Variants in NPAS1 observed in about 807,000 individuals in gnomAD.
NPAS1 encodes neuronal PAS domain-containing protein 1.
In NPAS1, 29 loss-of-function variants were observed where a neutral mutation model predicts 49.2. The observed-to-expected ratio is 0.59, with a 90% CI of 0.44 to 0.80. The LOEUF is 0.80. Among genes scored for constraint, NPAS1 ranks in the 30% least tolerant of loss-of-function variants. The pLI is 0.00. For synonymous variants in NPAS1, 408 were observed against 380.4 expected (o/e 1.07, Z -0.84); for missense variants, 825 against 835.5 (o/e 0.99, Z 0.15).
Position 47,045,199 on chromosome 19 carries a change from C to T in NPAS1, c.1321C>T (p.Pro441Ser). 1 of 1,613,446 alleles carries T rather than the reference C, an allele frequency of 6.2e-7. No individual in the cohort carries two copies. The highest frequency in any genetic ancestry group is 8.5e-7 in the Non-Finnish European group (1 of 1,179,830). The change falls in exon 12 of 12, where the codon CCT (proline) becomes TCT (serine). Residue 441 changes from proline to serine, a missense_variant. By Grantham distance (74) the Pro-to-Ser change is moderately conservative. Transcript: ENST00000602212. ...GCATCTTCCTCTTCCAGAGCCGGAG[C>T]CTCCGACGGAAGGGAAGCAGGCTGC... ...SPGPEPTEPE[P>S]PTEGKQAAPA...
In NPAS1 at chr19:47,042,917, T is replaced by C; in HGVS notation, c.1312+13T>C. 1.3e-6 allele frequency: 2 copies of C among 1,563,628 alleles called. No individual in the cohort carries two copies. Among genetic ancestry groups the C allele is most frequent in the East Asian group, 2.4e-5 (1 of 41,514 alleles). ...CCAGAGCCCACAGGTGAGCCCCACCTCCCACCTTGGCCCCTGGGAAGCTCC... is the reference window on the plus strand; with the variant it reads ...CCAGAGCCCACAGGTGAGCCCCACCCCCCACCTTGGCCCCTGGGAAGCTCC... On this transcript the variant is annotated intron_variant, in intron 11 of 11. Transcript: ENST00000602212.
At chr19:47,039,993 G>A (rs539280962) in intron 8 of NPAS1, among the ~76,000 whole-genome samples, 6 of 152,180 alleles carry the variant, frequency 3.9e-5, no homozygotes, top group Non-Finnish European at 8.8e-5. Context: ...GCGAATACTC[G>A]CAGCTGCCCC....
At chr19:47,022,148 A>G (rs1038226254) in intron 3 of NPAS1, among the ~76,000 whole-genome samples, 1 of 152,164 alleles carries the variant, frequency 6.6e-6, no homozygotes, top group African/African-American at 2.4e-5. Context: ...CATTATTACA[A>G]CCAAAGAAAC....
Position 47,045,176 on chromosome 19 carries a change from A to G in NPAS1, c.1313-15A>G. The stretch of plus-strand genomic sequence containing the variant: ...CTGGGGACACACACAGGCCCTCAGC[A>G]TCTTCCTCTTCCAGAGCCGGAGCCT... On this transcript the variant is annotated splice_polypyrimidine_tract_variant and intron_variant, in intron 11 of 11. Coordinates refer to ENST00000602212, the MANE Select transcript of NPAS1 (RefSeq NM_002517.4). 6.2e-7 allele frequency: 1 copy of G among 1,611,410 alleles called. No individual in the cohort carries two copies. Among genetic ancestry groups the G allele is most frequent in the South Asian group, 1.1e-5 (1 of 90,844 alleles).
At chr19:47,024,821 T>TG in intron 3 of NPAS1, among the ~76,000 whole-genome samples, 1 of 151,780 alleles carries the variant, frequency 6.6e-6, no homozygotes, top group East Asian at 1.9e-4. Context: ...TTTTTTTTTT[T>TG]TTTTTGAAAC....
In NPAS1 at chr19:47,045,767, G is replaced by T; in HGVS notation, c.*116G>T. 9.3e-7 allele frequency: 1 copy of T among 1,075,272 alleles called. No homozygotes were observed. The highest frequency in any genetic ancestry group is 1.8e-5 in the South Asian group (1 of 56,758). 66.6% of individuals were successfully genotyped at this position (1,075,272 alleles called of 1,614,324 possible). ...ACGCCGGCTCTCCCTGCAGTGGTTT[G>T]GGCTCCGGGCTGTGAGCTCCTCTGT... is the stretch of plus-strand genomic sequence containing the variant. On this transcript the variant is annotated 3_prime_UTR_variant, in exon 12 of 12. Coordinates refer to ENST00000602212, the MANE Select transcript of NPAS1 (RefSeq NM_002517.4).
At chr19:47,044,143 G>A (rs1169287465) in intron 11 of NPAS1, among the ~76,000 whole-genome samples, 8 of 152,254 alleles carry the variant, frequency 5.3e-5, no homozygotes, top group South Asian at 2.1e-4. Context: ...GCACAATCTC[G>A]GCTCACTGCA....
At chr19:47,023,607 G>A (rs2056854848) in intron 3 of NPAS1, among the ~76,000 whole-genome samples, 1 of 152,164 alleles carries the variant, frequency 6.6e-6, no homozygotes, top group Non-Finnish European at 1.5e-5. Flanking sequence ...TGAAGCCACA[G>A]AGCAGAGCAC....
intron 6 of NPAS1, among the ~76,000 whole-genome samples, chr19:47,037,956 A>G (rs1206423637): frequency 6.6e-6 from 1 of 152,204 alleles, no homozygotes; most frequent in Non-Finnish European, 1.5e-5. Flanking sequence ...TGACAGCTCC[A>G]GCCCCACCCA....
Position 47,019,865 on chromosome 19 carries a change from C to T in NPAS1, c.-175C>T. 1 of 329,270 alleles carries T rather than the reference C, an allele frequency of 3.0e-6. No individual in the cohort carries two copies. Among genetic ancestry groups the T allele is most frequent in the Non-Finnish European group, 5.5e-6 (1 of 181,624 alleles). 20.4% of individuals were successfully genotyped at this position (329,270 alleles called of 1,614,324 possible). ...GAGGTGGGCGCCGAGAGCTGGGCGCCACAGCCCGCGCGTCCCGCTGCGCCC... is the reference window on the plus strand; with the variant it reads ...GAGGTGGGCGCCGAGAGCTGGGCGCTACAGCCCGCGCGTCCCGCTGCGCCC... On this transcript the variant is annotated 5_prime_UTR_variant, in exon 1 of 12. Transcript: ENST00000602212.
Position 47,045,628 on chromosome 19 carries a change from A to G in NPAS1, c.1750A>G (p.Arg584Gly). 7.0e-7 allele frequency: 1 copy of G among 1,432,736 alleles called. No individual in the cohort carries two copies. The highest frequency in any genetic ancestry group is 2.7e-5 in the East Asian group (1 of 37,048). The allele number at this position is 1,432,736 out of a possible 1,614,324, so 88.8% of individuals were successfully genotyped here. The change falls in exon 12 of 12, where the codon AGG (arginine) becomes GGG (glycine). Residue 584 changes from arginine to glycine, a missense_variant. Arg to Gly is a moderately radical substitution (Grantham distance 125). Transcript: ENST00000602212. The part of the protein sequence containing the change: ...GLPYPGPAGT[R>G]LPRKGD ...GCCCTACCCGGGGCCCGCGGGCACC[A>G]GGCTGCCGCGGAAGGGGGACTGAGG...
intron 6 of NPAS1, 25 bp from the exon 7 acceptor site, chr19:47,039,011 A>C (rs530210154): frequency 6.2e-7 from 1 of 1,604,546 alleles, no homozygotes; most frequent in African/African-American, 1.3e-5. Context: ...AGGACCCCAT[A>C]ACCTTCCTTC....
intron 3 of NPAS1, among the ~76,000 whole-genome samples, chr19:47,023,355 G>T (rs926168320): frequency 1.4e-4 from 22 of 152,194 alleles, no homozygotes; most frequent in Admixed American, 9.8e-4. Context: ...GGCATCAGGG[G>T]CTGGCTGAGG....
intron 1 of NPAS1, 106 bp from the exon 2 acceptor site, chr19:47,020,900 C>CCA: frequency 2.5e-6 from 1 of 402,556 alleles, no homozygotes; most frequent in Non-Finnish European, 4.4e-6. Flanking sequence ...CCAGGCCCCC[C>CCA]CCCCCCCAGC....
intron 1 of NPAS1, among the ~76,000 whole-genome samples, chr19:47,020,454 G>T (rs1291912289): frequency 1.3e-5 from 2 of 151,832 alleles, no homozygotes; most frequent in African/African-American, 2.4e-5. Flanking sequence ...AACACGTGGC[G>T]CCATCCCGAG....
Position 47,045,562 on chromosome 19 carries a change from G to A in NPAS1, c.1684G>A (p.Gly562Ser). The A allele has an allele frequency of 6.6e-7, 1 of 1,504,228 alleles. No homozygotes were observed. The highest frequency in any genetic ancestry group is 1.2e-5 in the South Asian group (1 of 80,234). 93.2% of individuals were successfully genotyped at this position (1,504,228 alleles called of 1,614,324 possible). Residue 562 changes from glycine (G) to serine (S), a missense_variant, in exon 12 of 12, where the codon GGC becomes AGC. By Grantham distance (56) the Gly-to-Ser change is moderately conservative. Transcript: ENST00000602212. ...CCCGCACCTGCAGAGGCTGGGTCCGGGCCCCGCGCTCCCGGAGGCCTTTTA... is the reference window on the plus strand; with the variant it reads ...CCCGCACCTGCAGAGGCTGGGTCCGAGCCCCGCGCTCCCGGAGGCCTTTTA... ...VYPHLQRLGP[G>S]PALPEAFYPP...
Position 47,032,962 on chromosome 19 carries a change from C to T in NPAS1, c.522+230C>T, listed in dbSNP as rs143546351. On this transcript the variant is annotated intron_variant, in intron 5 of 11. Transcript: ENST00000602212. ...TTTGTTTGTTTGTTTGTTTTTGAGA[C>T]GGAGTCTCGCTCTATCACCCAGGCT... 4.1e-4 allele frequency among the ~76,000 whole-genome samples: 63 copies of T among 152,288 alleles called. No homozygotes were observed. In the East Asian group the frequency reaches 7.1e-3, roughly 17 times the overall value.
intron 5 of NPAS1, among the ~76,000 whole-genome samples, chr19:47,035,086 C>T (rs1321693774): frequency 6.6e-6 from 1 of 151,506 alleles, no homozygotes; most frequent in Non-Finnish European, 1.5e-5. Flanking sequence ...GAGGCCGAGG[C>T]GGGAGAATTG....
rs1568501595 is a variant in NPAS1 at position 47,027,618 on chromosome 19, C to CTGT, written c.359-4660_359-4659insTGT. ...CTCCCGTCTCTCTGCCCCTGGTCTC[C>CTGT]CGTCTCTCTGCCCCTGGTCTCCCGT... is the stretch of plus-strand genomic sequence containing the variant. On this transcript the variant is annotated intron_variant, in intron 3 of 11. Transcript: ENST00000602212. 4.8e-3 allele frequency among the ~76,000 whole-genome samples: 351 copies of CTGT among 73,534 alleles called. 75 individuals are homozygous for CTGT. The highest frequency in any genetic ancestry group is 9.5e-3 in the East Asian group (28 of 2,934). 48.2% of individuals were successfully genotyped at this position (73,534 alleles called of 152,430 possible).
Sources: allele counts gnomAD v4.1 joint callset (sites outside exome capture counted in the v4.1 genomes callset), GRCh38; gene constraint gnomAD v4.1.1; transcripts MANE v1.5; gene names NCBI Gene and HGNC (gene_info 2026-07-23, HGNC 2026-07-21).